Variants in ADAMTS2 observed in about 807,000 individuals in gnomAD.
ADAMTS2 encodes the protein A disintegrin and metalloproteinase with thrombospondin motifs 2.
A neutral mutation model predicts 123.0 loss-of-function variants in ADAMTS2; 50 were observed. The ratio of observed to expected loss-of-function variants is 0.41; its 90% confidence interval spans 0.32 to 0.51. The LOEUF (loss-of-function observed/expected upper bound fraction) is 0.51, where lower values mean the gene tolerates loss of function less well. ADAMTS2 is among the 20% of genes least tolerant of loss of function. The pLI, the probability that ADAMTS2 is intolerant of heterozygous loss-of-function variation, is 0.35. For missense variants in ADAMTS2, 1,494 were observed against 1,705.2 expected, an observed-to-expected ratio of 0.88 and a Z score of 2.18; for synonymous variants, 678 against 695.4, an observed-to-expected ratio of 0.98 and a Z score of 0.39.
intron 21 of ADAMTS2, chr5:179,120,677 C>T (rs921823689): frequency 1.3e-5 from 2 of 152,118 alleles, no homozygotes; most frequent in Non-Finnish European, 2.9e-5. Flanking sequence ...CCCTCGGGGG[C>T]TCCATGCAAC....
intron 3 of ADAMTS2, among the ~76,000 whole-genome samples, chr5:179,270,356 C>T (rs1485500268): frequency 1.3e-5 from 2 of 152,162 alleles, no homozygotes; most frequent in East Asian, 1.9e-4. Context: ...TCACCTTCCC[C>T]GGCAGAACAT....
chr5:179,232,714 G>A (rs187146475), intron 3 of ADAMTS2, among the ~76,000 whole-genome samples: 3 of 152,246 alleles, frequency 2.0e-5, no homozygotes, highest in Admixed American at 6.5e-5. Context: ...TGAGTAGATC[G>A]GTAAAGTGCC....
chr5:179,288,295 G>A (rs986173850), intron 2 of ADAMTS2, among the ~76,000 whole-genome samples: 7 of 152,142 alleles, frequency 4.6e-5, no homozygotes, highest in Admixed American at 2.6e-4. Flanking sequence ...TCCTCTGCCC[G>A]CCTGCCCAGC....
intron 2 of ADAMTS2, 29 bp downstream of exon 2, chr5:179,343,738 A>AG: frequency 6.2e-7 from 1 of 1,603,512 alleles, no homozygotes; most frequent in Non-Finnish European, 8.5e-7. Flanking sequence ...AGCAGCGGAG[A>AG]GAAAGGAGCT....
intron 4 of ADAMTS2, among the ~76,000 whole-genome samples, chr5:179,186,460 G>A (rs912962069): frequency 2.0e-5 from 3 of 152,150 alleles, no homozygotes; most frequent in Non-Finnish European, 4.4e-5. Context: ...CTTGTCCTCC[G>A]TGGGCCTGAG....
chr5:179,163,038 C>G (rs1210397322), intron 5 of ADAMTS2, among the ~76,000 whole-genome samples: 1 of 152,120 alleles, frequency 6.6e-6, no homozygotes, highest in Non-Finnish European at 1.5e-5. Context: ...GAAAGACATG[C>G]CCCAATATCA....
At chr5:179,153,111 AGGCCTCTGCGTCCGT>A (rs201745388) in intron 9 of ADAMTS2, among the ~76,000 whole-genome samples, 1,755 of 152,080 alleles carry the variant, frequency 0.012, 34 homozygotes, top group African/African-American at 0.038. Context: ...GCTCTCCTCC[AGGCCTCTGCGTCCGT>A]GGCCTCTGCG....
At chr5:179,293,363 T>G (rs1041935446) in intron 2 of ADAMTS2, among the ~76,000 whole-genome samples, 3 of 152,238 alleles carry the variant, frequency 2.0e-5, no homozygotes, top group African/African-American at 7.2e-5. Flanking sequence ...AAATCAGGCT[T>G]GAAGTGAAAA....
At chr5:179,305,308 C>T (rs1756639482) in intron 2 of ADAMTS2, among the ~76,000 whole-genome samples, 1 of 152,154 alleles carries the variant, frequency 6.6e-6, no homozygotes, top group South Asian at 2.1e-4. Context: ...AGATTAGGCT[C>T]TTGCGTATTT....
At chr5:179,221,885 C>T (rs1291248204) in intron 3 of ADAMTS2, among the ~76,000 whole-genome samples, 1 of 152,174 alleles carries the variant, frequency 6.6e-6, no homozygotes, top group Non-Finnish European at 1.5e-5. Context: ...CTCCAGCCCC[C>T]CATGGGGCTG....
intron 2 of ADAMTS2, among the ~76,000 whole-genome samples, chr5:179,281,999 C>A (rs1766926194): frequency 6.6e-6 from 1 of 152,170 alleles, no homozygotes; most frequent in Admixed American, 6.6e-5. Flanking sequence ...AGACCATTTT[C>A]TTTTTATTGA....
intron 3 of ADAMTS2, among the ~76,000 whole-genome samples, chr5:179,220,565 CA>C (rs1403669133): frequency 6.6e-6 from 1 of 152,188 alleles, no homozygotes; most frequent in Non-Finnish European, 1.5e-5. Context: ...GGCCCGCATG[CA>C]GCCAGGTCCA....
chr5:179,281,888 T>G (rs1188451098), intron 2 of ADAMTS2, among the ~76,000 whole-genome samples: 2 of 152,254 alleles, frequency 1.3e-5, no homozygotes, highest in Non-Finnish European at 2.9e-5. Flanking sequence ...GGCTTGCATT[T>G]CCCTGACAAC....
intron 10 of ADAMTS2, among the ~76,000 whole-genome samples, chr5:179,146,692 T>C (rs1044973987): frequency 4.6e-5 from 7 of 152,376 alleles, no homozygotes; most frequent in African/African-American, 1.7e-4. Context: ...CTGCTTTTGG[T>C]TTGATATAAA....
chr5:179,264,588 A>G (rs1008677420), intron 3 of ADAMTS2, among the ~76,000 whole-genome samples: 4 of 152,240 alleles, frequency 2.6e-5, no homozygotes, highest in Non-Finnish European at 5.9e-5. Flanking sequence ...ACCTTGTGCA[A>G]AACCCGAAAA....
intron 10 of ADAMTS2, among the ~76,000 whole-genome samples, chr5:179,143,668 C>T (rs1286684836): frequency 3.3e-5 from 5 of 152,074 alleles, no homozygotes; most frequent in African/African-American, 1.2e-4. Context: ...CTAGCGAGGT[C>T]CCTTTTTGCC....
intron 5 of ADAMTS2, among the ~76,000 whole-genome samples, chr5:179,177,402 T>C (rs1763956598): frequency 6.6e-6 from 1 of 152,212 alleles, no homozygotes; most frequent in African/African-American, 2.4e-5. Context: ...TCTTTGGGTA[T>C]AAGGGTCCCA....
intron 5 of ADAMTS2, among the ~76,000 whole-genome samples, chr5:179,163,991 C>T (rs950069518): frequency 2.6e-5 from 4 of 152,142 alleles, no homozygotes; most frequent in African/African-American, 9.7e-5. Flanking sequence ...GGAGGCAGGA[C>T]TTCAGGAGAC....
rs561886252 is a variant in ADAMTS2 at position 179,310,919 on chromosome 5, G to A, written c.534+32848C>T. On this transcript the variant is annotated intron_variant, in intron 2 of 21. Transcript: ENST00000251582. ...TGGCCCAGGACAGCAGCTCAGCAGGGTGCCCAACCCCACCTGCCCCTGCCT... is the reference window on the plus strand; with the variant it reads ...TGGCCCAGGACAGCAGCTCAGCAGGATGCCCAACCCCACCTGCCCCTGCCT... Among the ~76,000 whole-genome samples the A allele has an allele frequency of 3.3e-5, 5 of 152,126 alleles. No homozygotes were observed. In the East Asian group the frequency reaches 7.7e-4, roughly 24 times the overall value.
Sources: gnomAD v4.1 joint callset for allele counts (sites outside exome capture counted in the v4.1 genomes callset) on GRCh38, gnomAD v4.1.1 for gene constraint, MANE v1.5 for transcripts, NCBI Gene and HGNC (gene_info 2026-07-23, HGNC 2026-07-21) for gene names.